MIPOL1: variants seen among roughly 807,000 people sequenced by gnomAD.
MIPOL1 encodes mirror-image polydactyly gene 1 protein.
Under a neutral mutation model 60.9 loss-of-function variants are expected in MIPOL1, and 57 were observed. That is an observed-to-expected ratio of 0.94 (90% CI 0.76 to 1.17). The LOEUF is 1.17. MIPOL1 is among the 50% of genes most tolerant of loss of function. The pLI is 0.00. For synonymous variants in MIPOL1, 179 were observed against 168.8 expected (o/e 1.06, Z -0.47); for missense variants, 551 against 511.6 (o/e 1.08, Z -0.74).
Position 37,551,087 on chromosome 14 carries a change from A to C in MIPOL1, c.*4116A>C, listed in dbSNP as rs1303479646. 4 of 152,130 alleles carry C rather than the reference A, an allele frequency of 2.6e-5. No homozygotes were observed. The highest frequency in any genetic ancestry group is 2.9e-5 in the Non-Finnish European group (2 of 67,988). 9.4% of individuals were successfully genotyped at this position (152,130 alleles called of 1,614,324 possible). On this transcript the variant is annotated 3_prime_UTR_variant, in exon 13 of 13. Coordinates refer to ENST00000684589, the MANE Select transcript of MIPOL1 (RefSeq NM_001388067.1). The stretch of plus-strand genomic sequence containing the variant: ...CTTTGCAGAAGTCTTAATATGCATA[A>C]TTTTTAATCTAATTGTCTTCTAAAT...
At chr14:37,337,356 ATTTTTTTTTTTTTTTTTT>A (rs33972471) in intron 9 of MIPOL1, among the ~76,000 whole-genome samples, 1 of 30,058 alleles carries the variant, frequency 3.3e-5, no homozygotes. Flanking sequence ...ATATATATAT[ATTTTTTTTTTTTTTTTTT>A]TTTTTTTTTT....
At chr14:37,424,749 G>A (rs1345455238) in intron 11 of MIPOL1, among the ~76,000 whole-genome samples, 2 of 152,134 alleles carry the variant, frequency 1.3e-5, no homozygotes, top group East Asian at 3.8e-4. Context: ...CCCTGATGGT[G>A]AATGAATACA....
At chr14:37,295,009 C>G (rs2085496362) in intron 7 of MIPOL1, among the ~76,000 whole-genome samples, 1 of 152,096 alleles carries the variant, frequency 6.6e-6, no homozygotes, top group African/African-American at 2.4e-5. Context: ...TTGTCAGATT[C>G]ACCAAAGTTG....
intron 5 of MIPOL1, among the ~76,000 whole-genome samples, chr14:37,269,843 T>C (rs2083155996): frequency 1.3e-5 from 2 of 152,168 alleles, no homozygotes; most frequent in Admixed American, 6.6e-5. Flanking sequence ...ATTATTTTTT[T>C]TGAGATGGAG....
chr14:37,333,765 T>C (rs2089910090), intron 9 of MIPOL1, among the ~76,000 whole-genome samples: 1 of 152,044 alleles, frequency 6.6e-6, no homozygotes, highest in Non-Finnish European at 1.5e-5. Flanking sequence ...AAATACACTA[T>C]TTGGCAATCA....
intron 1 of MIPOL1, among the ~76,000 whole-genome samples, chr14:37,234,334 C>T (rs988862725): frequency 1.3e-5 from 2 of 150,586 alleles, no homozygotes; most frequent in South Asian, 2.1e-4. Flanking sequence ...TTGTCTGGTC[C>T]CTTCTTTTTT....
chr14:37,209,876 CTT>C (rs1163510242), intron 1 of MIPOL1, among the ~76,000 whole-genome samples: 10 of 141,868 alleles, frequency 7.0e-5, no homozygotes, highest in South Asian at 2.3e-4. Context: ...TAATTTTTAA[CTT>C]TTTTTTTTTT....
At chr14:37,251,439 G>A (rs924188211) in intron 3 of MIPOL1, among the ~76,000 whole-genome samples, 1 of 151,844 alleles carries the variant, frequency 6.6e-6, no homozygotes, top group Non-Finnish European at 1.5e-5. Flanking sequence ...AAAACAATGT[G>A]TGTGTGAATA....
chr14:37,348,449 A>C (rs779009571), intron 9 of MIPOL1, among the ~76,000 whole-genome samples: 23 of 152,258 alleles, frequency 1.5e-4, no homozygotes, highest in East Asian at 9.6e-4. Flanking sequence ...AATTAAGATA[A>C]TTCACCATAT....
At chr14:37,264,858 G>C (rs1308029056) in intron 3 of MIPOL1, among the ~76,000 whole-genome samples, 2 of 152,126 alleles carry the variant, frequency 1.3e-5, no homozygotes, top group African/African-American at 2.4e-5. Context: ...AATCTTTGAT[G>C]TTTGGCTCTC....
intron 11 of MIPOL1, among the ~76,000 whole-genome samples, chr14:37,427,163 G>T (rs576131433): frequency 1.3e-4 from 20 of 152,292 alleles, no homozygotes; most frequent in African/African-American, 4.8e-4. Flanking sequence ...AACCACCCAA[G>T]TGTCCCTCAG....
rs145933305 is a variant in MIPOL1 at position 37,450,482 on chromosome 14, A to G, written c.1031+27533A>G. ...TAGTAACTGATTTCAGAATGAATCAATCTTTGTAGACGTTTTCTCATGGAA... is the reference window on the plus strand; with the variant it reads ...TAGTAACTGATTTCAGAATGAATCAGTCTTTGTAGACGTTTTCTCATGGAA... On this transcript the variant is annotated intron_variant, in intron 11 of 12. Transcript: ENST00000684589. Among the ~76,000 whole-genome samples the G allele has an allele frequency of 2.1e-3, 322 of 152,264 alleles. 1 individual carries two copies. The highest frequency in any genetic ancestry group is 7.2e-3 in the African/African-American group (299 of 41,576).
At chr14:37,452,204 C>T (rs2094431242) in intron 11 of MIPOL1, among the ~76,000 whole-genome samples, 1 of 152,150 alleles carries the variant, frequency 6.6e-6, no homozygotes. Flanking sequence ...CTTTTCAATG[C>T]AGTCCTAATA....
chr14:37,543,034 T>C (rs2095535549), intron 12 of MIPOL1, among the ~76,000 whole-genome samples: 1 of 152,148 alleles, frequency 6.6e-6, no homozygotes, highest in Non-Finnish European at 1.5e-5. Context: ...TCTACTGTTC[T>C]TCCTCTCCAT....
chr14:37,318,812 T>G (rs55921720), intron 9 of MIPOL1, among the ~76,000 whole-genome samples: 96,628 of 139,942 alleles, frequency 0.69, 34,735 homozygotes, highest in South Asian at 0.85. Flanking sequence ...TATTTATTTA[T>G]TTATTTATTT....
intron 11 of MIPOL1, among the ~76,000 whole-genome samples, chr14:37,481,560 A>AACACACAC (rs3062719): frequency 0.034 from 3,869 of 113,120 alleles, 163 homozygotes; most frequent in African/African-American, 0.052. Context: ...GACCCCCCCC[A>AACACACAC]ACACACACAC....
At chr14:37,294,353 T>C (rs2085404571) in intron 7 of MIPOL1, among the ~76,000 whole-genome samples, 1 of 151,950 alleles carries the variant, frequency 6.6e-6, no homozygotes, top group Non-Finnish European at 1.5e-5. Context: ...ACCACAAAGA[T>C]GGGGAAAAAC....
intron 9 of MIPOL1, among the ~76,000 whole-genome samples, chr14:37,323,272 G>A (rs558366248): frequency 9.9e-5 from 15 of 152,210 alleles, no homozygotes; most frequent in African/African-American, 3.6e-4. Flanking sequence ...GTTTGTCAAA[G>A]ATCAGATGGT....
intron 11 of MIPOL1, among the ~76,000 whole-genome samples, chr14:37,487,775 A>G (rs1203640989): frequency 6.6e-6 from 1 of 152,044 alleles, no homozygotes; most frequent in Non-Finnish European, 1.5e-5. Context: ...TCATCTTTTC[A>G]AAAAACCAGC....
Sources: allele counts gnomAD v4.1 joint callset (sites outside exome capture counted in the v4.1 genomes callset), GRCh38; gene constraint gnomAD v4.1.1; transcripts MANE v1.5; gene names NCBI Gene and HGNC (gene_info 2026-07-23, HGNC 2026-07-21).